The following OVAAL variants were observed in gnomAD, a reference collection of about 807,000 sequenced individuals.
OVAAL encodes ovarian adenocarcinoma amplified long non-coding RNA, also known as long intergenic non-protein coding RNA 1131.
At chr1:180,562,094 A>G (rs1256166513) in intron 1 of OVAAL, 1 of 152,022 alleles carries the variant, frequency 6.6e-6, no homozygotes, top group Non-Finnish European at 1.5e-5. Context: ...CAGCAGGAGG[A>G]CCAGCCATCC....
At chr1:180,561,469 G>A (rs1452724564) in intron 1 of OVAAL, among the ~76,000 whole-genome samples, 2 of 152,130 alleles carry the variant, frequency 1.3e-5, no homozygotes, top group African/African-American at 4.8e-5. Flanking sequence ...GAGATCCATG[G>A]ATATCTACAC....
exon 3 of OVAAL, chr1:180,565,837 G>A (rs960356027): frequency 1.3e-5 from 2 of 151,968 alleles, no homozygotes; most frequent in Non-Finnish European, 2.9e-5. Flanking sequence ...AGAATCTGAA[G>A]GACAAGTGGG....
At chr1:180,564,810 G>A (rs920061685) in intron 2 of OVAAL, among the ~76,000 whole-genome samples, 2 of 152,036 alleles carry the variant, frequency 1.3e-5, no homozygotes, top group African/African-American at 4.8e-5. Context: ...ATTGCCTGGG[G>A]AGCTTGTAAA....
chr1:180,564,825 C>T (rs1469875922), intron 2 of OVAAL, among the ~76,000 whole-genome samples: 1 of 152,116 alleles, frequency 6.6e-6, no homozygotes, highest in African/African-American at 2.4e-5. Context: ...TGTAAACCCA[C>T]TGATGTTTGA....
At chr1:180,560,093 A>G (rs569925504) in intron 1 of OVAAL, among the ~76,000 whole-genome samples, 1 of 152,280 alleles carries the variant, frequency 6.6e-6, no homozygotes, top group African/African-American at 2.4e-5. Flanking sequence ...TTACAGAGGA[A>G]AAAAGTGAGG....
At chr1:180,564,078 A>C (rs73045693) in intron 2 of OVAAL, among the ~76,000 whole-genome samples, 1,799 of 152,256 alleles carry the variant, frequency 0.012, 21 homozygotes, top group African/African-American at 0.039. Context: ...TTGAGAGTGA[A>C]GGGGGGCACT....
intron 2 of OVAAL, among the ~76,000 whole-genome samples, chr1:180,564,956 C>G (rs528668253): frequency 6.6e-6 from 1 of 152,312 alleles, no homozygotes; most frequent in African/African-American, 2.4e-5. Context: ...TGCCCTCGCT[C>G]TGTTCCCAGT....
intron 1 of OVAAL, among the ~76,000 whole-genome samples, chr1:180,559,866 A>C (rs1193694893): frequency 1.3e-5 from 2 of 151,232 alleles, no homozygotes; most frequent in East Asian, 3.9e-4. Context: ...AGATCACGAC[A>C]CTGCACTCCA....
At chr1:180,559,667 G>A (rs996053954) in intron 1 of OVAAL, among the ~76,000 whole-genome samples, 1 of 152,138 alleles carries the variant, frequency 6.6e-6, no homozygotes, top group Non-Finnish European at 1.5e-5. Flanking sequence ...CAGCACTTTG[G>A]GAGGCCGAGG....
chr1:180,564,977 C>T (rs1243967288), intron 2 of OVAAL, among the ~76,000 whole-genome samples: 1 of 152,146 alleles, frequency 6.6e-6, no homozygotes, highest in Non-Finnish European at 1.5e-5. Context: ...GGCATCAGTT[C>T]TTGTTTAATT....
chr1:180,564,838 C>G (rs1653264593), intron 2 of OVAAL, among the ~76,000 whole-genome samples: 1 of 152,054 alleles, frequency 6.6e-6, no homozygotes, highest in Non-Finnish European at 1.5e-5. Flanking sequence ...ATGTTTGAGC[C>G]CCACTCCAGA....
chr1:180,560,670 A>G (rs1357224390), intron 1 of OVAAL, among the ~76,000 whole-genome samples: 1 of 152,226 alleles, frequency 6.6e-6, no homozygotes, highest in Non-Finnish European at 1.5e-5. Flanking sequence ...TGTATAACCT[A>G]CACCTTTACT....
chr1:180,559,479 C>G (rs923675819), intron 1 of OVAAL, among the ~76,000 whole-genome samples: 18 of 152,138 alleles, frequency 1.2e-4, no homozygotes, highest in Non-Finnish European at 2.4e-4. Flanking sequence ...GAGACAATTT[C>G]AGGTATCTGG....
At chr1:180,565,941 T>G (rs1245024296) in exon 3 of OVAAL, 1 of 152,054 alleles carries the variant, frequency 6.6e-6, no homozygotes, top group Non-Finnish European at 1.5e-5. Context: ...CGAGAAGAGA[T>G]TACAGTGCTT....
intron 2 of OVAAL, among the ~76,000 whole-genome samples, chr1:180,564,323 C>G (rs1653258484): frequency 6.6e-6 from 1 of 152,052 alleles, no homozygotes; most frequent in Admixed American, 6.5e-5. Flanking sequence ...TAACTATGTC[C>G]TAAATATTTC....
intron 1 of OVAAL, among the ~76,000 whole-genome samples, chr1:180,561,542 G>T (rs1441559805): frequency 6.6e-6 from 1 of 152,154 alleles, no homozygotes; most frequent in Non-Finnish European, 1.5e-5. Context: ...GCCTGGAGTG[G>T]TTGGGTACTC....
chr1:180,559,723 T>C (rs1033148102), intron 1 of OVAAL, among the ~76,000 whole-genome samples: 2 of 151,872 alleles, frequency 1.3e-5, no homozygotes, highest in African/African-American at 4.8e-5. Flanking sequence ...CTGACCAACA[T>C]GGTGAAACCC....
intron 1 of OVAAL, among the ~76,000 whole-genome samples, chr1:180,559,682 T>TGGATCAGGAGGTCA (rs1459621819): frequency 6.6e-6 from 1 of 151,622 alleles, no homozygotes; most frequent in Non-Finnish European, 1.5e-5. Context: ...CCGAGGTGGG[T>TGGATCAGGAGGTCA]GGATCACGAG....
intron 2 of OVAAL, among the ~76,000 whole-genome samples, chr1:180,564,769 C>CATATT (rs1653263750): frequency 6.6e-6 from 1 of 152,010 alleles, no homozygotes; most frequent in African/African-American, 2.4e-5. Flanking sequence ...TCTCCTAGGC[C>CATATT]AGTGGTTCTC....
Sources: gnomAD v4.1 joint callset for allele counts (sites outside exome capture counted in the v4.1 genomes callset) on GRCh38, gnomAD v4.1.1 for gene constraint, MANE v1.5 for transcripts, NCBI Gene and HGNC (gene_info 2026-07-23, HGNC 2026-07-21) for gene names.